The following XRCC4 variants were observed in gnomAD, a reference collection of about 807,000 sequenced individuals.
XRCC4 encodes the protein DNA repair protein XRCC4.
XRCC4 carries 28 observed loss-of-function variants against 39.1 expected under a neutral mutation model. That is an observed-to-expected ratio of 0.72 (90% CI 0.53 to 0.98). The LOEUF (loss-of-function observed/expected upper bound fraction) is 0.98, where lower values mean the gene tolerates loss of function less well. Among genes scored for constraint, XRCC4 ranks in the 50% least tolerant of loss-of-function variants. The pLI, the probability that XRCC4 is intolerant of heterozygous loss-of-function variation, is 0.00. For synonymous variants in XRCC4, 123 were observed against 126.4 expected, an observed-to-expected ratio of 0.97 and a Z score of 0.18; for missense variants, 350 against 376.4, an observed-to-expected ratio of 0.93 and a Z score of 0.58.
At chr5:83,372,398 G>A in the XRCC4 span, among the ~76,000 whole-genome samples, 226 of 152,250 alleles carry the variant, frequency 1.5e-3, no homozygotes, top group African/African-American at 5.2e-3. Flanking sequence ...TGTGAGGGAC[G>A]TGATGATAAA....
At chr5:83,298,288 G>A (rs307317) in intron 7 of XRCC4, among the ~76,000 whole-genome samples, 131,477 of 151,360 alleles carry the variant, frequency 0.87, 57,252 homozygotes, top group African/African-American at 0.93. Context: ...ATTTTTTTCA[G>A]TTGATCAAAT....
chr5:83,204,323 T>TA (rs1377698866), intron 5 of XRCC4, among the ~76,000 whole-genome samples: 1 of 151,994 alleles, frequency 6.6e-6, no homozygotes, highest in Non-Finnish European at 1.5e-5. Context: ...TGACGTAGTA[T>TA]AAAAAAATTT....
At chr5:83,224,944 CTACTT>C (rs1355253421) in intron 6 of XRCC4, among the ~76,000 whole-genome samples, 1 of 152,150 alleles carries the variant, frequency 6.6e-6, no homozygotes, top group African/African-American at 2.4e-5. Flanking sequence ...TCACAAAACA[CTACTT>C]TATTTAGGTT....
In XRCC4 at chr5:83,104,942, T is replaced by C; in HGVS notation, c.23T>C (p.Ile8Thr). 2 of 1,613,280 alleles carry C rather than the reference T, an allele frequency of 1.2e-6. No individual in the cohort carries two copies. Among genetic ancestry groups the C allele is most frequent in the East Asian group, 4.5e-5 (2 of 44,756 alleles). Reference protein sequence around the residue: MERKISRIHLVSEPSITH... With the variant: MERKISRTHLVSEPSITH... ...GAAATGGAGAGAAAAATAAGCAGAA[T>C]CCACCTTGTTTCTGAACCCAGTATA... The change falls in exon 2 of 8, where the codon ATC (isoleucine) becomes ACC (threonine). Residue 8 changes from isoleucine (I) to threonine (T), a missense_variant. Coordinates refer to ENST00000396027, the MANE Select transcript of XRCC4 (RefSeq NM_003401.5).
At chr5:83,297,983 CTT>C (rs958679639) in intron 7 of XRCC4, among the ~76,000 whole-genome samples, 1 of 151,876 alleles carries the variant, frequency 6.6e-6, no homozygotes, top group Non-Finnish European at 1.5e-5. Flanking sequence ...AAAATACAAA[CTT>C]TTTCTCTTGC....
chr5:83,350,518 G>A (rs758302973), intron 7 of XRCC4, among the ~76,000 whole-genome samples: 4 of 151,664 alleles, frequency 2.6e-5, no homozygotes, highest in Non-Finnish European at 5.9e-5. Flanking sequence ...GATGACTAGT[G>A]ATGTGTAGCA....
At position 83,280,271 on chromosome 5, in the gene XRCC4, C is replaced by T. The variant is rs556358938; in HGVS notation, c.893+21594C>T. 49 of 362,658 alleles carry T rather than the reference C, an allele frequency of 1.4e-4. 1 individual carries two copies. The South Asian group carries it at 1.4e-3, about 10-fold the overall frequency. 22.5% of individuals were successfully genotyped at this position (362,658 alleles called of 1,614,324 possible). ...ATTTCTAATTGTGTTTTACAATATCCGGATGTCTTTGATACTACATTTGAT... is the reference window on the plus strand; with the variant it reads ...ATTTCTAATTGTGTTTTACAATATCTGGATGTCTTTGATACTACATTTGAT... On this transcript the variant is annotated intron_variant, in intron 7 of 7. Coordinates refer to ENST00000396027, the MANE Select transcript of XRCC4 (RefSeq NM_003401.5).
At chr5:83,250,405 TC>T (rs1753261699) in intron 6 of XRCC4, among the ~76,000 whole-genome samples, 2 of 152,198 alleles carry the variant, frequency 1.3e-5, no homozygotes, top group South Asian at 4.1e-4. Context: ...ATTATTAGGT[TC>T]CATTAGTATT....
rs1242384696 is a variant in XRCC4 at position 83,275,302 on chromosome 5, T to G, written c.893+16625T>G. Among the ~76,000 whole-genome samples, 11 of 151,578 alleles carry G rather than the reference T, an allele frequency of 7.3e-5. No individual in the cohort carries two copies. In the East Asian group the frequency reaches 1.6e-3, roughly 21 times the overall value. The stretch of plus-strand genomic sequence containing the variant: ...TCTGTTTTGGCTAGGTTAGGTTTTT[T>G]TTTTTTTTTTGAGACGGAGTCTCGC... On this transcript the variant is annotated intron_variant, in intron 7 of 7. Transcript: ENST00000396027.
At chr5:83,313,273 A>G (rs28360304) in intron 7 of XRCC4, among the ~76,000 whole-genome samples, 4,680 of 152,100 alleles carry the variant, frequency 0.031, 248 homozygotes, top group African/African-American at 0.11. Flanking sequence ...TGACATAAGG[A>G]TCATGTATTA....
At chr5:83,118,103 C>T (rs1283118004) in intron 3 of XRCC4, among the ~76,000 whole-genome samples, 1 of 151,454 alleles carries the variant, frequency 6.6e-6, no homozygotes, top group Non-Finnish European at 1.5e-5. Flanking sequence ...ATATCTAAAA[C>T]TCTAGAATTT....
At chr5:83,300,546 TTGTGTGTG>T (rs70973389) in intron 7 of XRCC4, among the ~76,000 whole-genome samples, 235 of 126,984 alleles carry the variant, frequency 1.9e-3, no homozygotes, top group African/African-American at 5.9e-3. Context: ...TATCTTTTGT[TTGTGTGTG>T]TGTGTGTGTG....
intron 7 of XRCC4, among the ~76,000 whole-genome samples, chr5:83,269,245 A>G (rs1754055837): frequency 6.6e-6 from 1 of 152,142 alleles, no homozygotes; most frequent in Non-Finnish European, 1.5e-5. Flanking sequence ...TCTGCCTTTT[A>G]TCTCCACCTT....
intron 6 of XRCC4, among the ~76,000 whole-genome samples, chr5:83,210,545 C>G (rs935735484): frequency 6.6e-6 from 1 of 151,996 alleles, no homozygotes; most frequent in African/African-American, 2.4e-5. Flanking sequence ...AAAGTATTTG[C>G]CTTGTAATAT....
At chr5:83,157,863 A>G (rs28360091) in intron 3 of XRCC4, among the ~76,000 whole-genome samples, 2,328 of 152,236 alleles carry the variant, frequency 0.015, 50 homozygotes, top group Admixed American at 0.048. Context: ...ATTTAATAAA[A>G]TTCAAAATAT....
chr5:83,195,666 C>T (rs1750904665), intron 3 of XRCC4, 104 bp from the exon 4 acceptor site: 1 of 1,128,620 alleles, frequency 8.9e-7, no homozygotes, highest in African/African-American at 1.6e-5. Context: ...TATTTAAATC[C>T]TTCTTACACT....
chr5:83,116,813 G>T (rs955766609), intron 3 of XRCC4, among the ~76,000 whole-genome samples: 11 of 151,892 alleles, frequency 7.2e-5, no homozygotes, highest in African/African-American at 2.7e-4. Context: ...GTAGAGACGG[G>T]GTTGTGCCAT....
Position 83,104,943 on chromosome 5 carries a change from C to T in XRCC4, c.24C>T (p.Ile8=). The stretch of plus-strand genomic sequence containing the variant: ...AAATGGAGAGAAAAATAAGCAGAAT[C>T]CACCTTGTTTCTGAACCCAGTATAA... MERKISR[I]HLVSEPSITH... is the part of the protein sequence containing the mutation. Residue 8 remains isoleucine, a synonymous_variant, in exon 2 of 8, where the codon ATC becomes ATT. Coordinates refer to ENST00000396027, the MANE Select transcript of XRCC4 (RefSeq NM_003401.5). The T allele has an allele frequency of 2.5e-6, 4 of 1,611,928 alleles. No homozygotes were observed. The highest frequency in any genetic ancestry group is 3.4e-6 in the Non-Finnish European group (4 of 1,178,306).
At chr5:83,313,077 C>T (rs1315682071) in intron 7 of XRCC4, among the ~76,000 whole-genome samples, 1 of 86,224 alleles carries the variant, frequency 1.2e-5, no homozygotes, top group Non-Finnish European at 2.7e-5. Flanking sequence ...CTTTTCTTTT[C>T]TTTCTTTTTT....
Sources: gnomAD v4.1 joint callset for allele counts (sites outside exome capture counted in the v4.1 genomes callset) on GRCh38, gnomAD v4.1.1 for gene constraint, MANE v1.5 for transcripts, NCBI Gene and HGNC (gene_info 2026-07-23, HGNC 2026-07-21) for gene names.